The following KLF7 variants were observed in gnomAD, a reference collection of about 807,000 sequenced individuals.
The protein encoded by KLF7 is KLF transcription factor 7.
In KLF7, 2 loss-of-function variants were observed where a neutral mutation model predicts 27.3. That is an observed-to-expected ratio of 0.07 (90% CI 0.03 to 0.23). The LOEUF (loss-of-function observed/expected upper bound fraction) is 0.23, where lower values mean the gene tolerates loss of function less well. Ranked by LOEUF, KLF7 falls within the 10% of genes least tolerant of loss-of-function variation. The pLI, the probability that KLF7 is intolerant of heterozygous loss-of-function variation, is 1.00. For synonymous variants in KLF7, 165 were observed against 162.4 expected (o/e 1.02, Z -0.12); for missense variants, 221 against 394.1 (o/e 0.56, Z 3.72).
chr2:207,121,157 G>A (rs2077330437), intron 2 of KLF7, among the ~76,000 whole-genome samples: 4 of 152,140 alleles, frequency 2.6e-5, no homozygotes, highest in Admixed American at 2.0e-4. Context: ...ACTTCTATGG[G>A]CTAATGCTTG....
At chr2:207,133,553 C>G (rs1194946879) in intron 1 of KLF7, among the ~76,000 whole-genome samples, 1 of 152,196 alleles carries the variant, frequency 6.6e-6, no homozygotes, top group Admixed American at 6.5e-5. Context: ...AACAATGGCC[C>G]TGTCGCTTTT....
Position 207,127,262 on chromosome 2 carries a change from A to G in KLF7, c.103-2858T>C, listed in dbSNP as rs141525555. 3.3e-3 allele frequency among the ~76,000 whole-genome samples: 502 copies of G among 152,330 alleles called. 6 individuals carry two copies. The highest frequency in any genetic ancestry group is 0.012 in the African/African-American group (479 of 41,566). ...TACTCCTCCTGAAAATTGAAGAAGC[A>G]TAAGTACCCATCGGGATGTGCTGGG... is the stretch of plus-strand genomic sequence containing the variant. On this transcript the variant is annotated intron_variant, in intron 1 of 3. Coordinates refer to ENST00000309446, the MANE Select transcript of KLF7 (RefSeq NM_003709.4).
chr2:207,127,163 TG>T (rs2077502607), intron 1 of KLF7, among the ~76,000 whole-genome samples: 2 of 152,296 alleles, frequency 1.3e-5, no homozygotes, highest in Admixed American at 1.3e-4. Flanking sequence ...GAGAGACATC[TG>T]ATCACTAAAA....
rs148798439 is a variant in KLF7 at position 207,145,118 on chromosome 2, C to A, written c.102+20349G>T. Among the ~76,000 whole-genome samples, 422 of 152,346 alleles carry A rather than the reference C, an allele frequency of 2.8e-3. 2 individuals carry two copies. The highest frequency in any genetic ancestry group is 9.6e-3 in the African/African-American group (399 of 41,558). On this transcript the variant is annotated intron_variant, in intron 1 of 3. Coordinates refer to ENST00000309446, the MANE Select transcript of KLF7 (RefSeq NM_003709.4). ...ATATTGTAAAAACGAATTGCCACCACTGATGACCATAACTACCTGCTGCTT... is the reference window on the plus strand; with the variant it reads ...ATATTGTAAAAACGAATTGCCACCAATGATGACCATAACTACCTGCTGCTT...
intron 1 of KLF7, among the ~76,000 whole-genome samples, chr2:207,159,810 C>G (rs1050907217): frequency 3.9e-5 from 6 of 152,056 alleles, no homozygotes; most frequent in African/African-American, 1.4e-4. Context: ...TGTGGTACTG[C>G]TCGAATGGAG....
rs913818657 is a variant in KLF7 at position 207,079,389 on chromosome 2, A to G, written c.*1824T>C. ...TAACAGTCAATGAGTCAAACAGTCA[A>G]AGGAGGACAGGAGGGGAGCCAGCTG... is the stretch of plus-strand genomic sequence containing the variant. On this transcript the variant is annotated 3_prime_UTR_variant, in exon 4 of 4. Transcript: ENST00000309446. 1.3e-5 allele frequency: 2 copies of G among 152,228 alleles called. No individual in the cohort carries two copies. The highest frequency in any genetic ancestry group is 4.8e-5 in the African/African-American group (2 of 41,452). 9.4% of individuals were successfully genotyped at this position (152,228 alleles called of 1,614,324 possible). A position where few individuals can be genotyped will look rare whatever the true frequency, so the allele number is the denominator to read the frequency against.
At position 207,081,174 on chromosome 2, in the gene KLF7, C is replaced by T. The variant is rs1354422864; in HGVS notation, c.*39G>A. ...CCTGCCTCATGGCGTTTCCTTTAGACACTAGCCGATGCCATGGCAACTCTG... is the reference window on the plus strand; with the variant it reads ...CCTGCCTCATGGCGTTTCCTTTAGATACTAGCCGATGCCATGGCAACTCTG... On this transcript the variant is annotated 3_prime_UTR_variant, in exon 4 of 4. Coordinates refer to ENST00000309446, the MANE Select transcript of KLF7 (RefSeq NM_003709.4). 3.1e-6 allele frequency: 5 copies of T among 1,595,258 alleles called. No individual in the cohort carries two copies. In the African/African-American group the frequency reaches 5.4e-5, roughly 17 times the overall value.
intron 1 of KLF7, among the ~76,000 whole-genome samples, chr2:207,134,331 TTCTC>T (rs762514847): frequency 3.3e-5 from 5 of 151,880 alleles, no homozygotes; most frequent in African/African-American, 4.8e-5. Context: ...GTGTACAACG[TTCTC>T]TCTCTCCCTC....
In KLF7 at chr2:207,140,100, G is replaced by A. The variant is rs564660680; in HGVS notation, c.103-15696C>T. 1.8e-4 allele frequency among the ~76,000 whole-genome samples: 27 copies of A among 152,254 alleles called. No individual in the cohort carries two copies. The South Asian group carries it at 5.6e-3, about 32-fold the overall frequency. On this transcript the variant is annotated intron_variant, in intron 1 of 3. Coordinates refer to ENST00000309446, the MANE Select transcript of KLF7 (RefSeq NM_003709.4). ...GATGGGGTTTCACCATGTTGGCCAA[G>A]ATGGTCTCAATCTCTTGACCTCGTG...
intron 2 of KLF7, among the ~76,000 whole-genome samples, chr2:207,109,683 T>A (rs576113772): frequency 2.6e-5 from 4 of 152,290 alleles, no homozygotes; most frequent in South Asian, 4.2e-4. Flanking sequence ...GCCTTCTTAC[T>A]CCCAAAGCTG....
intron 1 of KLF7, among the ~76,000 whole-genome samples, chr2:207,142,096 A>T (rs10195536): frequency 0.32 from 49,309 of 151,768 alleles, 8,635 homozygotes; most frequent in African/African-American, 0.44. Flanking sequence ...AAATCCAATG[A>T]GCCTTGAGGT....
At chr2:207,149,459 A>G (rs2078183449) in intron 1 of KLF7, among the ~76,000 whole-genome samples, 1 of 151,746 alleles carries the variant, frequency 6.6e-6, no homozygotes, top group African/African-American at 2.4e-5. Flanking sequence ...ATCCCGGCTG[A>G]CTCCTGTGCT....
At chr2:207,103,628 G>A (rs1351655535) in intron 2 of KLF7, among the ~76,000 whole-genome samples, 1 of 152,112 alleles carries the variant, frequency 6.6e-6, no homozygotes, top group African/African-American at 2.4e-5. Context: ...ACAGTTTACG[G>A]GAAAACAGAC....
chr2:207,137,946 T>C (rs1226572556), intron 1 of KLF7, among the ~76,000 whole-genome samples: 1 of 152,196 alleles, frequency 6.6e-6, no homozygotes, highest in Non-Finnish European at 1.5e-5. Context: ...TGTTGCAGAT[T>C]TCAAATTAAC....
chr2:207,151,818 G>T (rs187468708), intron 1 of KLF7, among the ~76,000 whole-genome samples: 3 of 151,296 alleles, frequency 2.0e-5, no homozygotes, highest in Non-Finnish European at 1.5e-5. Context: ...AAAAGTAATC[G>T]GAGATTGGAA....
intron 2 of KLF7, among the ~76,000 whole-genome samples, chr2:207,106,595 C>T (rs1412988461): frequency 1.3e-5 from 2 of 152,134 alleles, no homozygotes. Context: ...ATCCTAGGGT[C>T]ACAACAGCCT....
At chr2:207,130,871 A>G (rs1394791177) in intron 1 of KLF7, among the ~76,000 whole-genome samples, 1 of 152,240 alleles carries the variant, frequency 6.6e-6, no homozygotes, top group Non-Finnish European at 1.5e-5. Flanking sequence ...TTAAAGAAAT[A>G]AAGAAATTGC....
rs370125203 is a variant in KLF7, at chr2:207,152,689, T to C, written c.102+12778A>G. 3.4e-4 allele frequency among the ~76,000 whole-genome samples: 51 copies of C among 152,066 alleles called. 2 individuals carry two copies. The highest frequency in any genetic ancestry group is 1.2e-3 in the African/African-American group (50 of 41,464). The stretch of plus-strand genomic sequence containing the variant: ...AAAATAGAATCCCAAACAAAGACAC[T>C]CAACAAGGCAGAGAAATCTAAAAGG... On this transcript the variant is annotated intron_variant, in intron 1 of 3. Transcript: ENST00000309446.
intron 1 of KLF7, among the ~76,000 whole-genome samples, chr2:207,139,119 C>A (rs890397872): frequency 6.6e-6 from 1 of 152,158 alleles, no homozygotes; most frequent in African/African-American, 2.4e-5. Context: ...AATCAGAGAC[C>A]TGTAGAAACC....
Sources: allele counts gnomAD v4.1 joint callset (sites outside exome capture counted in the v4.1 genomes callset), GRCh38; gene constraint gnomAD v4.1.1; transcripts MANE v1.5; gene names NCBI Gene and HGNC (gene_info 2026-07-23, HGNC 2026-07-21).